Variants in DOCK8 observed in about 807,000 individuals in gnomAD.
DOCK8 encodes the protein dedicator of cytokinesis 8.
Under a neutral mutation model 245.6 loss-of-function variants are expected in DOCK8, and 141 were observed. That is an observed-to-expected ratio of 0.57 (90% CI 0.50 to 0.66). DOCK8 has a LOEUF of 0.66. DOCK8 is among the 30% of genes least tolerant of loss of function. The pLI is 0.00. For synonymous variants in DOCK8, 1,168 were observed against 970.2 expected (o/e 1.20, Z -3.79); for missense variants, 2,965 against 2,603.4 (o/e 1.14, Z -3.02).
chr9:225,281 C>T (rs1289386001), intron 1 of DOCK8, among the ~76,000 whole-genome samples: 3 of 152,174 alleles, frequency 2.0e-5, no homozygotes, highest in South Asian at 2.1e-4. Context: ...AGCCTGTAGC[C>T]CTGGCTACAG....
At chr9:274,794 G>A (rs544645013) in intron 2 of DOCK8, among the ~76,000 whole-genome samples, 76 of 152,284 alleles carry the variant, frequency 5.0e-4, no homozygotes, top group African/African-American at 1.7e-3. Flanking sequence ...TCCTTAAAAT[G>A]AGAAGCCGTA....
At chr9:259,195 CAG>C (rs2047856941) in intron 1 of DOCK8, among the ~76,000 whole-genome samples, 1 of 151,848 alleles carries the variant, frequency 6.6e-6, no homozygotes, top group Non-Finnish European at 1.5e-5. Flanking sequence ...TGGCTACTCT[CAG>C]GGGACTGAGG....
At position 441,274 on chromosome 9, in the gene DOCK8, C is replaced by T. The variant is rs372514563; in HGVS notation, c.5224-12C>T. 6.2e-7 allele frequency: 1 copy of T among 1,614,118 alleles called. No homozygotes were observed. ...ATTAAATTCTCTCTGATGCTCTTCT[C>T]CTCTTTCCAAGGGAGGCTTATATGA... On this transcript the variant is annotated splice_polypyrimidine_tract_variant and intron_variant, in intron 40 of 47. Transcript: ENST00000432829.
At chr9:447,073 A>C (rs1411333461) in intron 44 of DOCK8, among the ~76,000 whole-genome samples, 2 of 152,234 alleles carry the variant, frequency 1.3e-5, no homozygotes, top group East Asian at 3.9e-4. Context: ...TAAGGTAGAC[A>C]AGTTCACTGA....
intron 29 of DOCK8, among the ~76,000 whole-genome samples, chr9:415,384 C>CA (rs894963804): frequency 3.8e-4 from 56 of 147,348 alleles, no homozygotes; most frequent in East Asian, 5.9e-4. Flanking sequence ...TTGCTCCATG[C>CA]AAAAAAAAAA....
chr9:333,593 T>A (rs867925222), intron 10 of DOCK8, among the ~76,000 whole-genome samples: 2 of 137,782 alleles, frequency 1.5e-5, no homozygotes, highest in African/African-American at 5.9e-5. Flanking sequence ...AGAGTGAGAC[T>A]CTGTCTCAAA....
In DOCK8 at chr9:370,222, G is replaced by T. The variant is rs201029469; in HGVS notation, c.1798-8G>T. On this transcript the variant is annotated splice_polypyrimidine_tract_variant and splice_region_variant and intron_variant, in intron 15 of 47. Coordinates refer to ENST00000432829, the MANE Select transcript of DOCK8 (RefSeq NM_203447.4). ...TGATAATTTGATCCTTTCTCTACTG[G>T]TGAACAGGTCATCTTTGGAAAATCC... The T allele has an allele frequency of 1.4e-5, 23 of 1,612,530 alleles. No homozygotes were observed. The South Asian group carries it at 2.2e-4, about 15-fold the overall frequency.
At chr9:391,422 T>C (rs903523168) in intron 24 of DOCK8, among the ~76,000 whole-genome samples, 1 of 152,180 alleles carries the variant, frequency 6.6e-6, no homozygotes, top group Non-Finnish European at 1.5e-5. Context: ...CTTGGTACCA[T>C]GCAAGGCCCA....
chr9:221,825 A>T (rs1039586837), intron 1 of DOCK8, among the ~76,000 whole-genome samples: 1 of 143,174 alleles, frequency 7.0e-6, no homozygotes, highest in Non-Finnish European at 1.5e-5. Context: ...CTGTCTCATT[A>T]AAAAAAAAAA....
chr9:281,443 A>G (rs890468594), intron 2 of DOCK8, among the ~76,000 whole-genome samples: 1 of 152,206 alleles, frequency 6.6e-6, no homozygotes, highest in Non-Finnish European at 1.5e-5. Flanking sequence ...AAAGCAAAAC[A>G]GTTAATTTTC....
chr9:215,491 TGTC>T (rs1404940120), intron 1 of DOCK8: 72 of 1,459,778 alleles, frequency 4.9e-5, no homozygotes, highest in Non-Finnish European at 6.3e-5. Context: ...GCAAGCCTTC[TGTC>T]GTCCTGAGCA....
intron 14 of DOCK8, among the ~76,000 whole-genome samples, chr9:351,420 A>G (rs979168204): frequency 3.9e-5 from 6 of 152,222 alleles, no homozygotes; most frequent in Non-Finnish European, 5.9e-5. Flanking sequence ...TCACTCACCA[A>G]TCACCAAGGC....
intron 4 of DOCK8, 116 bp from the exon 5 acceptor site, chr9:304,465 T>C (rs911753436): frequency 7.2e-7 from 1 of 1,386,936 alleles, no homozygotes; most frequent in African/African-American, 1.4e-5. Flanking sequence ...GGTTCCCTCT[T>C]TGAAAGCTCT....
At position 371,438 on chromosome 9, in the gene DOCK8, T is replaced by G. The variant is rs1405072329; in HGVS notation, c.1879T>G (p.Phe627Val). The G allele has an allele frequency of 1.2e-6, 2 of 1,614,098 alleles. No homozygotes were observed. Among genetic ancestry groups the G allele is most frequent in the African/African-American group, 1.3e-5 (1 of 74,952 alleles). Residue 627 changes from phenylalanine (F) to valine (V), a missense_variant, in exon 17 of 48, where the codon TTT becomes GTT. Coordinates refer to ENST00000432829, the MANE Select transcript of DOCK8 (RefSeq NM_203447.4). ...GTGCTTTTGAAACAGGTCTCCTGAC[T>G]TTTATGAAGAAGTGAAAATTAAGCT... ...AVTYHNKSPD[F>V]YEEVKIKLPA...
intron 28 of DOCK8, among the ~76,000 whole-genome samples, chr9:409,541 A>G (rs2055611021): frequency 6.6e-6 from 1 of 152,204 alleles, no homozygotes; most frequent in South Asian, 2.1e-4. Context: ...TTTGAAAGAA[A>G]AAAATGTATA....
intron 17 of DOCK8, 128 bp from the exon 18 acceptor site, chr9:372,057 C>A: frequency 1.2e-6 from 1 of 811,738 alleles, no homozygotes; most frequent in Admixed American, 2.0e-5. Context: ...ACAGAAATTA[C>A]TGCCAAAAAG....
At chr9:316,959 T>C in intron 6 of DOCK8, 84 bp from the exon 7 acceptor site, 1 of 1,062,788 alleles carries the variant, frequency 9.4e-7, no homozygotes, top group Non-Finnish European at 1.5e-6. Flanking sequence ...CCGTGGAGGG[T>C]AGCCTTCCCT....
At chr9:443,548 A>G in intron 43 of DOCK8, 32 bp downstream of exon 43, 1 of 1,548,066 alleles carries the variant, frequency 6.5e-7, no homozygotes, top group South Asian at 1.1e-5. Context: ...CTAACCATCA[A>G]GCTCTAAATC....
Position 286,489 on chromosome 9 carries a change from T to G in DOCK8, c.185T>G (p.Val62Gly), listed in dbSNP as rs1360426782. Residue 62 changes from valine to glycine, a missense_variant, in exon 3 of 48, where the codon GTG becomes GGG. This residue lies in a region of DOCK8 where 2,825 missense variants were observed against 2,453.5 expected (regional missense o/e 1.15). Transcript: ENST00000432829. Reference sequence around the variant, plus strand: ...CAGTTTTATGACCCTGTGGAGCCAGTGGACTTTGAAGGACTTCTGATGACA... The same window carrying G: ...CAGTTTTATGACCCTGTGGAGCCAGGGGACTTTGAAGGACTTCTGATGACA... ...LPQFYDPVEP[V>G]DFEGLLMTHL... 6.2e-7 allele frequency: 1 copy of G among 1,613,956 alleles called. No homozygotes were observed. The highest frequency in any genetic ancestry group is 1.7e-5 in the Admixed American group (1 of 59,990).
Sources: gnomAD v4.1 joint callset for allele counts (sites outside exome capture counted in the v4.1 genomes callset) on GRCh38, gnomAD v4.1.1 for gene constraint, gnomAD v4.1.1 regional missense constraint, MANE v1.5 for transcripts, NCBI Gene and HGNC (gene_info 2026-07-23, HGNC 2026-07-21) for gene names.